Variants in HRH2 observed in about 807,000 individuals in gnomAD.
The protein encoded by HRH2 is histamine H2 receptor.
A neutral mutation model predicts 20.1 loss-of-function variants in HRH2; 4 were observed. The observed-to-expected ratio is 0.20, with a 90% CI of 0.10 to 0.45. HRH2 has a LOEUF of 0.45. Among genes scored for constraint, HRH2 ranks in the 20% least tolerant of loss-of-function variants. HRH2 has a pLI of 0.99. For synonymous variants in HRH2, 197 were observed against 200.7 expected (o/e 0.98, Z 0.16); for missense variants, 250 against 461.6 (o/e 0.54, Z 4.20).
chr5:175,685,552 AT>A, intron 2 of HRH2: 2 of 1,425,800 alleles, frequency 1.4e-6, no homozygotes, highest in Non-Finnish European at 9.7e-7. Context: ...TAGAAATGAG[AT>A]TTTTTGGGTT....
Position 175,683,082 on chromosome 5 carries a change from C to G in HRH2, c.-152C>G. On this transcript the variant is annotated 5_prime_UTR_variant, in exon 2 of 3. Coordinates refer to ENST00000636584, the MANE Select transcript of HRH2 (RefSeq NM_001367711.1). ...GAGTCAGTCATTGAAGCCTTCCCCACCCCCTGGCCAAAAAAAAAAAAAAAA... is the reference window on the plus strand; with the variant it reads ...GAGTCAGTCATTGAAGCCTTCCCCAGCCCCTGGCCAAAAAAAAAAAAAAAA... 2 of 952,626 alleles carry G rather than the reference C, an allele frequency of 2.1e-6. No individual in the cohort carries two copies. Among genetic ancestry groups the G allele is most frequent in the Non-Finnish European group, 1.5e-6 (1 of 647,106 alleles). The allele number at this position is 952,626 out of a possible 1,614,324, so 59.0% of individuals were successfully genotyped here. A position where few individuals can be genotyped will look rare whatever the true frequency, so the allele number is the denominator to read the frequency against.
At chr5:175,700,283 C>T (rs377227408) in intron 2 of HRH2, among the ~76,000 whole-genome samples, 5 of 152,312 alleles carry the variant, frequency 3.3e-5, no homozygotes, top group Admixed American at 6.5e-5. Flanking sequence ...TACCGGCTAC[C>T]GGAGACAGCC....
chr5:175,683,780 G>A lies in HRH2; in HGVS notation c.547G>A (p.Gly183Arg), dbSNP rs1756072831. ...KCKVQVNEVY[G>R]LVDGLVTFYL... ...CAAAGTCCAGGTCAATGAAGTGTAC[G>A]GGCTGGTGGATGGGCTGGTCACCTT... Residue 183 changes from glycine (G) to arginine (R), a missense_variant, in exon 2 of 3, where the codon GGG becomes AGG. Physicochemically the swap from Gly to Arg is moderately radical, Grantham distance 125. Around this residue, in one of 5 missense-constraint regions of HRH2, gnomAD observed 58 missense variants for 166.8 expected, o/e 0.35. Transcript: ENST00000636584. 2.5e-6 allele frequency: 4 copies of A among 1,614,126 alleles called. No homozygotes were observed. The highest frequency in any genetic ancestry group is 3.4e-6 in the Non-Finnish European group (4 of 1,180,020).
rs1320778612 is a variant in HRH2 at position 175,687,794 on chromosome 5, G to A, written c.1076+3485G>A. Among the ~76,000 whole-genome samples, 3 of 152,078 alleles carry A rather than the reference G, an allele frequency of 2.0e-5. No individual in the cohort carries two copies. Among genetic ancestry groups the A allele is most frequent in the Non-Finnish European group, 4.4e-5 (3 of 68,026 alleles). ...CCTAAATTATGAATCTCAGTGTAGT[G>A]CCCCTGCTCAGGACCCTCCTCTGCC... On this transcript the variant is annotated intron_variant, in intron 2 of 2. Coordinates refer to ENST00000636584, the MANE Select transcript of HRH2 (RefSeq NM_001367711.1). This position sits in a 1 kb window ranked among gnomAD's most constrained non-coding sequence, Gnocchi z 5.2.
At position 175,683,700 on chromosome 5, in the gene HRH2, TG is replaced by T; in HGVS notation, c.471del (p.Trp158GlyfsTer39). ...SITLSFLSIH[L>X]GWNSRNETSK... is the part of the protein sequence containing the mutation. ...ACCCTGTCCTTTCTGTCTATCCACCTGGGGTGGAACAGCAGGAACGAGACCA... is the reference window on the plus strand; with the variant it reads ...ACCCTGTCCTTTCTGTCTATCCACCTGGGTGGAACAGCAGGAACGAGACCA... On this transcript the variant is annotated frameshift_variant, in exon 2 of 3. Coordinates refer to ENST00000636584, the MANE Select transcript of HRH2 (RefSeq NM_001367711.1). LOFTEE classifies it high-confidence loss of function. 6.2e-7 allele frequency: 1 copy of T among 1,614,178 alleles called. No homozygotes were observed. Among genetic ancestry groups the T allele is most frequent in the Non-Finnish European group, 8.5e-7 (1 of 1,180,042 alleles).
In HRH2 at chr5:175,693,344, A is replaced by G. The variant is rs1756450154; in HGVS notation, c.1076+9035A>G. 6.6e-6 allele frequency among the ~76,000 whole-genome samples: 1 copy of G among 152,174 alleles called. No homozygotes were observed. On this transcript the variant is annotated intron_variant, in intron 2 of 2. Transcript: ENST00000636584. This position sits in a 1 kb window ranked among gnomAD's most constrained non-coding sequence, Gnocchi z 4.4. ...TTCCCTCCCCACCCTGCCTGGAGAC[A>G]GGAAGTCGAGGTGGTCCCGACTGCC... is the stretch of plus-strand genomic sequence containing the variant.
intron 2 of HRH2, among the ~76,000 whole-genome samples, chr5:175,701,882 G>A (rs374217014): frequency 4.6e-5 from 7 of 152,194 alleles, no homozygotes; most frequent in Non-Finnish European, 7.3e-5. Flanking sequence ...GTTAACATCC[G>A]CTAAAATAGC....
At chr5:175,661,370 C>T (rs1762732846) in intron 1 of HRH2, among the ~76,000 whole-genome samples, 1 of 152,056 alleles carries the variant, frequency 6.6e-6, no homozygotes, top group Non-Finnish European at 1.5e-5. Flanking sequence ...CTGGCAGGCC[C>T]CTTAGAAGAA....
intron 2 of HRH2, among the ~76,000 whole-genome samples, chr5:175,706,591 C>A (rs751133220): frequency 1.3e-5 from 2 of 152,326 alleles, no homozygotes; most frequent in East Asian, 3.9e-4. Flanking sequence ...AGGGCAAATA[C>A]CTGCCTGCTT....
chr5:175,665,464 G>A (rs1762860064), intron 1 of HRH2, among the ~76,000 whole-genome samples: 1 of 152,174 alleles, frequency 6.6e-6, no homozygotes, highest in African/African-American at 2.4e-5. Flanking sequence ...TGGCAAGATG[G>A]GAGGGGAAAC....
chr5:175,667,783 G>A (rs1334817513), intron 1 of HRH2, among the ~76,000 whole-genome samples: 1 of 152,110 alleles, frequency 6.6e-6, no homozygotes, highest in Non-Finnish European at 1.5e-5. Flanking sequence ...TGAACATATA[G>A]GTCATTCCCA....
chr5:175,677,418 G>A lies in HRH2; in HGVS notation c.-525-5291G>A, dbSNP rs1051915231. Among the ~76,000 whole-genome samples the A allele has an allele frequency of 9.9e-5, 15 of 152,220 alleles. No homozygotes were observed. The highest frequency in any genetic ancestry group is 3.4e-4 in the African/African-American group (14 of 41,446). On this transcript the variant is annotated intron_variant, in intron 1 of 2. Transcript: ENST00000636584. This position sits in a 1 kb window ranked among gnomAD's most constrained non-coding sequence, Gnocchi z 4.2. ...ATGTATCGGTCAGCATTTCTTAAAT[G>A]AAGCTGTTCTGCCATGTTAAGTGGG...
chr5:175,708,607 A>G lies in HRH2; in HGVS notation c.*636A>G, dbSNP rs1252858646. 6.6e-6 allele frequency: 1 copy of G among 152,268 alleles called. No individual in the cohort carries two copies. Among genetic ancestry groups the G allele is most frequent in the Non-Finnish European group, 1.5e-5 (1 of 68,090 alleles). The allele number at this position is 152,268 out of a possible 1,614,324, so 9.4% of individuals were successfully genotyped here. ...CACTCAGCACCTAGAAAGTGTGCCT[A>G]GCACATAGGAGGCACACAAAAATAT... On this transcript the variant is annotated 3_prime_UTR_variant, in exon 3 of 3. Transcript: ENST00000636584.
chr5:175,679,509 T>A (rs1755885945), intron 1 of HRH2, among the ~76,000 whole-genome samples: 1 of 152,138 alleles, frequency 6.6e-6, no homozygotes, highest in Non-Finnish European at 1.5e-5. Flanking sequence ...AGGCACAGAA[T>A]CAGAATGGGC....
intron 1 of HRH2, among the ~76,000 whole-genome samples, chr5:175,678,643 G>A (rs981322029): frequency 6.6e-6 from 1 of 152,236 alleles, no homozygotes; most frequent in African/African-American, 2.4e-5. Flanking sequence ...CGTGACGCTC[G>A]CCCAGAAGGG....
intron 2 of HRH2, chr5:175,685,788 T>C (rs1453114851): frequency 8.5e-6 from 4 of 471,238 alleles, no homozygotes; most frequent in Non-Finnish European, 7.6e-6. Flanking sequence ...CAATAGGACA[T>C]AAGTCCACGC....
Position 175,708,900 on chromosome 5 carries a change from G to A in HRH2, c.*929G>A, listed in dbSNP as rs1050431714. ...AGCCAGGCATCATGGAGGGAGGGAT[G>A]GATCTTGAGGGACTGTAATGGTTGT... On this transcript the variant is annotated 3_prime_UTR_variant, in exon 3 of 3. Coordinates refer to ENST00000636584, the MANE Select transcript of HRH2 (RefSeq NM_001367711.1). 1 of 152,134 alleles carries A rather than the reference G, an allele frequency of 6.6e-6. No individual in the cohort carries two copies. The highest frequency in any genetic ancestry group is 2.4e-5 in the African/African-American group (1 of 41,372). 9.4% of individuals were successfully genotyped at this position (152,134 alleles called of 1,614,324 possible).
intron 1 of HRH2, among the ~76,000 whole-genome samples, chr5:175,661,407 T>C (rs1190083730): frequency 1.3e-5 from 2 of 152,220 alleles, no homozygotes; most frequent in African/African-American, 4.8e-5. Flanking sequence ...ATCAATAATA[T>C]CTGTTGTTTG....
rs1054707316 is a variant in HRH2 at position 175,709,297 on chromosome 5, C to T, written c.*1326C>T. The T allele has an allele frequency of 2.6e-5, 4 of 152,294 alleles. No homozygotes were observed. The highest frequency in any genetic ancestry group is 9.6e-5 in the African/African-American group (4 of 41,452). 9.4% of individuals were successfully genotyped at this position (152,294 alleles called of 1,614,324 possible). A position where few individuals can be genotyped will look rare whatever the true frequency, so the allele number is the denominator to read the frequency against. The stretch of plus-strand genomic sequence containing the variant: ...GATGTGGCTGTTCCTCAGTCTCAGT[C>T]CAGAGTCCTCTCTTCTCACTCAGCA... On this transcript the variant is annotated 3_prime_UTR_variant, in exon 3 of 3. Transcript: ENST00000636584.
Sources: allele counts gnomAD v4.1 joint callset (sites outside exome capture counted in the v4.1 genomes callset), GRCh38; gene constraint gnomAD v4.1.1; regional missense constraint gnomAD v4.1.1; non-coding constraint Gnocchi (gnomAD v3.1); transcripts MANE v1.5; gene names NCBI Gene and HGNC (gene_info 2026-07-23, HGNC 2026-07-21).